CLVS1: variants seen among roughly 807,000 people sequenced by gnomAD.
CLVS1 encodes clavesin 1.
A neutral mutation model predicts 33.1 loss-of-function variants in CLVS1; 10 were observed. That is an observed-to-expected ratio of 0.30 (90% CI 0.19 to 0.51). The LOEUF (loss-of-function observed/expected upper bound fraction) is 0.51, where lower values mean the gene tolerates loss of function less well. Ranked by LOEUF, CLVS1 falls within the 20% of genes least tolerant of loss-of-function variation. CLVS1 has a pLI of 0.97. For missense variants in CLVS1, 343 were observed against 433.4 expected, an observed-to-expected ratio of 0.79 and a Z score of 1.85; for synonymous variants, 163 against 166.1, an observed-to-expected ratio of 0.98 and a Z score of 0.14.
the CLVS1 span, among the ~76,000 whole-genome samples, chr8:60,976,158 TTCCTGCCTCC>T: frequency 6.6e-6 from 1 of 152,228 alleles, no homozygotes; most frequent in Non-Finnish European, 1.5e-5. Flanking sequence ...TTTCATACTT[TTCCTGCCTCC>T]TAAAGGAATT....
At chr8:61,033,111 G>GA in the CLVS1 span, among the ~76,000 whole-genome samples, 2 of 46,752 alleles carry the variant, frequency 4.3e-5, no homozygotes, top group African/African-American at 7.9e-5. Context: ...TAGAAAGAAA[G>GA]AAGGAAGGAA....
intron 3 of CLVS1, among the ~76,000 whole-genome samples, chr8:61,400,210 T>C (rs7839603): frequency 0.67 from 102,161 of 152,040 alleles, 35,166 homozygotes; most frequent in Non-Finnish European, 0.75. Context: ...CAGATTTCTT[T>C]GAGCAGTGAT....
the CLVS1 span, among the ~76,000 whole-genome samples, chr8:61,042,983 G>C: frequency 6.6e-6 from 1 of 152,174 alleles, no homozygotes; most frequent in Non-Finnish European, 1.5e-5. Context: ...TTGGGAATAG[G>C]TTATGTCCAG....
chr8:61,422,917 G>GAT (rs1815734213), intron 3 of CLVS1, among the ~76,000 whole-genome samples: 1 of 152,136 alleles, frequency 6.6e-6, no homozygotes. Flanking sequence ...AAAGAAAAGA[G>GAT]ATAAGCCCCT....
chr8:61,101,114 A>G (rs1293590668), intron 1 of CLVS1, among the ~76,000 whole-genome samples: 1 of 152,200 alleles, frequency 6.6e-6, no homozygotes, highest in Non-Finnish European at 1.5e-5. Context: ...TGGATCATAT[A>G]GTAACATGAC....
intron 5 of CLVS1, among the ~76,000 whole-genome samples, chr8:61,461,475 G>A (rs1411800959): frequency 2.6e-5 from 4 of 152,132 alleles, no homozygotes; most frequent in Non-Finnish European, 5.9e-5. Flanking sequence ...GCTATAACAA[G>A]TTAGCACAAG....
chr8:61,139,457 A>C (rs1363344338), intron 2 of CLVS1, among the ~76,000 whole-genome samples: 1 of 152,180 alleles, frequency 6.6e-6, no homozygotes, highest in Non-Finnish European at 1.5e-5. Flanking sequence ...TCCGCGCTTT[A>C]AGATGGCTTT....
chr8:61,145,265 C>T (rs1275068883), intron 2 of CLVS1, among the ~76,000 whole-genome samples: 2 of 152,140 alleles, frequency 1.3e-5, no homozygotes, highest in Admixed American at 1.3e-4. Flanking sequence ...CAAGAAAAAA[C>T]AAACAATCCC....
intron 5 of CLVS1, among the ~76,000 whole-genome samples, chr8:61,480,605 G>A (rs1004060378): frequency 3.3e-5 from 5 of 152,046 alleles, no homozygotes; most frequent in Admixed American, 1.3e-4. Flanking sequence ...CCCACTGTCC[G>A]GCACTCCCCA....
At chr8:61,230,482 A>T (rs1351666825) in intron 2 of CLVS1, among the ~76,000 whole-genome samples, 1 of 152,246 alleles carries the variant, frequency 6.6e-6, no homozygotes, top group Non-Finnish European at 1.5e-5. Flanking sequence ...GGTAATAGAC[A>T]TAAGCACTAA....
chr8:61,481,670 A>T (rs1818199891), intron 5 of CLVS1, among the ~76,000 whole-genome samples: 1 of 152,230 alleles, frequency 6.6e-6, no homozygotes, highest in Non-Finnish European at 1.5e-5. Context: ...GTCATTGCTG[A>T]GGCTTGAGTA....
At chr8:61,036,135 A>G in the CLVS1 span, among the ~76,000 whole-genome samples, 1 of 152,204 alleles carries the variant, frequency 6.6e-6, no homozygotes, top group Admixed American at 6.5e-5. Context: ...TTGTCTTACC[A>G]CTTTAAATGT....
At chr8:61,250,257 G>T (rs1808907745) in intron 2 of CLVS1, among the ~76,000 whole-genome samples, 1 of 152,086 alleles carries the variant, frequency 6.6e-6, no homozygotes, top group Non-Finnish European at 1.5e-5. Context: ...TGAGGCTTCT[G>T]TTCTGTTCCA....
intron 1 of CLVS1, among the ~76,000 whole-genome samples, chr8:61,066,053 C>T (rs1234349680): frequency 2.6e-5 from 4 of 152,112 alleles, no homozygotes; most frequent in Admixed American, 2.6e-4. Context: ...TATTTCTAAA[C>T]ATATGTATGA....
intron 3 of CLVS1, among the ~76,000 whole-genome samples, chr8:61,423,611 C>A (rs960569453): frequency 6.6e-6 from 1 of 152,154 alleles, no homozygotes; most frequent in African/African-American, 2.4e-5. Flanking sequence ...CGCCCTAAAT[C>A]TCACCAAGGA....
intron 3 of CLVS1, among the ~76,000 whole-genome samples, chr8:61,448,661 A>G (rs1816841562): frequency 1.3e-5 from 2 of 151,726 alleles, no homozygotes; most frequent in Admixed American, 1.3e-4. Context: ...GGATCACTTG[A>G]GGCCGGGAGT....
At chr8:60,998,479 G>A in the CLVS1 span, among the ~76,000 whole-genome samples, 1 of 152,168 alleles carries the variant, frequency 6.6e-6, no homozygotes, top group Non-Finnish European at 1.5e-5. Flanking sequence ...CTTCTCTGTG[G>A]CCATGAGAGC....
chr8:61,121,229 G>A (rs1166638984), intron 1 of CLVS1, among the ~76,000 whole-genome samples: 2 of 151,974 alleles, frequency 1.3e-5, no homozygotes, highest in African/African-American at 2.4e-5. Flanking sequence ...GCCCTGCTTC[G>A]GCTCGCTCAC....
intron 2 of CLVS1, among the ~76,000 whole-genome samples, chr8:61,159,192 T>G (rs373478527): frequency 6.6e-6 from 1 of 152,252 alleles, no homozygotes; most frequent in East Asian, 1.9e-4. Flanking sequence ...GATTTCTTTA[T>G]GTTCCTTGGT....
Sources: allele counts gnomAD v4.1 joint callset (sites outside exome capture counted in the v4.1 genomes callset), GRCh38; gene constraint gnomAD v4.1.1; transcripts MANE v1.5; gene names NCBI Gene and HGNC (gene_info 2026-07-23, HGNC 2026-07-21).